Variants in SCGB2B2 observed in about 807,000 individuals in gnomAD.
SCGB2B2 encodes secretoglobin-like protein.
A neutral mutation model predicts 7.6 loss-of-function variants in SCGB2B2; 11 were observed. The observed-to-expected ratio is 1.45, with a 90% CI of 0.91 to 2.40. SCGB2B2 has a LOEUF of 2.40. Among genes scored for constraint, SCGB2B2 ranks in the 30% most tolerant of loss-of-function variants. The pLI is 0.00. For missense variants in SCGB2B2, 104 were observed against 115.4 expected, an observed-to-expected ratio of 0.90 and a Z score of 0.45; for synonymous variants, 50 against 48.6, an observed-to-expected ratio of 1.03 and a Z score of -0.12.
At chr19:34,659,426 C>A (rs572277523) in intron 1 of SCGB2B2, among the ~76,000 whole-genome samples, 43 of 152,298 alleles carry the variant, frequency 2.8e-4, no homozygotes, top group African/African-American at 1.0e-3. Flanking sequence ...AGCTGATAAG[C>A]AACTTCAGCA....
chr19:34,653,699 C>T (rs2067217372), intron 1 of SCGB2B2, among the ~76,000 whole-genome samples: 1 of 150,526 alleles, frequency 6.6e-6, no homozygotes, highest in Non-Finnish European at 1.5e-5. Flanking sequence ...TCCACATTAA[C>T]AAAATAAAGA....
intron 1 of SCGB2B2, among the ~76,000 whole-genome samples, chr19:34,665,431 G>A (rs2067588181): frequency 6.6e-6 from 1 of 152,162 alleles, no homozygotes; most frequent in Non-Finnish European, 1.5e-5. Context: ...CTCCAGCCTG[G>A]TGACTCCCTG....
At chr19:34,649,361 T>C (rs998843092) in intron 1 of SCGB2B2, among the ~76,000 whole-genome samples, 2 of 152,202 alleles carry the variant, frequency 1.3e-5, no homozygotes, top group African/African-American at 2.4e-5. Flanking sequence ...ACTCACAGAT[T>C]TGAGGCTCTG....
chr19:34,599,164 T>C (rs2145769582), intron 1 of SCGB2B2, among the ~76,000 whole-genome samples: 1 of 152,350 alleles, frequency 6.6e-6, no homozygotes, highest in Middle Eastern at 3.4e-3. Context: ...TTTTGAGAGA[T>C]GAGGCTTTCT....
At chr19:34,669,315 T>C (rs2067734383) in intron 1 of SCGB2B2, among the ~76,000 whole-genome samples, 1 of 152,228 alleles carries the variant, frequency 6.6e-6, no homozygotes, top group African/African-American at 2.4e-5. Flanking sequence ...TTATTCCAGG[T>C]AATGTTCCTT....
At chr19:34,674,955 CTT>C (rs1319206102) in intron 1 of SCGB2B2, among the ~76,000 whole-genome samples, 1 of 152,108 alleles carries the variant, frequency 6.6e-6, no homozygotes, top group Non-Finnish European at 1.5e-5. Context: ...TCCTATGTCT[CTT>C]GCATTTTAAT....
chr19:34,641,316 T>G (rs1365191415), intron 1 of SCGB2B2, among the ~76,000 whole-genome samples: 1 of 152,190 alleles, frequency 6.6e-6, no homozygotes, highest in Non-Finnish European at 1.5e-5. Flanking sequence ...TGGTCTCCCT[T>G]TGGCTAGATC....
intron 1 of SCGB2B2, among the ~76,000 whole-genome samples, chr19:34,604,510 T>C (rs2065723526): frequency 6.6e-6 from 1 of 152,218 alleles, no homozygotes; most frequent in African/African-American, 2.4e-5. Context: ...CCAGCCAAAC[T>C]ACAGCACATG....
At chr19:34,666,627 C>A (rs537074413) in intron 1 of SCGB2B2, among the ~76,000 whole-genome samples, 109 of 152,276 alleles carry the variant, frequency 7.2e-4, no homozygotes, top group African/African-American at 2.6e-3. Context: ...ACCGGGCCTG[C>A]CCCCAGGACC....
intron 1 of SCGB2B2, among the ~76,000 whole-genome samples, chr19:34,667,807 C>A (rs1446524739): frequency 6.7e-6 from 1 of 148,420 alleles, no homozygotes; most frequent in Non-Finnish European, 1.5e-5. Context: ...ACCCGGGCCA[C>A]CCACGTGCCC....
intron 1 of SCGB2B2, among the ~76,000 whole-genome samples, chr19:34,641,175 G>A (rs952246177): frequency 1.3e-5 from 2 of 152,058 alleles, no homozygotes; most frequent in African/African-American, 4.8e-5. Context: ...TTTGTTCATA[G>A]GGCCTCCTGT....
intron 1 of SCGB2B2, among the ~76,000 whole-genome samples, chr19:34,661,339 T>G (rs1293685371): frequency 1.4e-4 from 22 of 152,018 alleles, no homozygotes; most frequent in Admixed American, 1.4e-3. Context: ...AAAATTATTG[T>G]GATAAAATAA....
chr19:34,638,500 A>G (rs924918752), intron 1 of SCGB2B2, among the ~76,000 whole-genome samples: 2 of 151,544 alleles, frequency 1.3e-5, no homozygotes, highest in African/African-American at 4.8e-5. Context: ...CAATGACAAC[A>G]ACAAAAACAA....
At chr19:34,626,001 G>A (rs1325545055) in intron 1 of SCGB2B2, among the ~76,000 whole-genome samples, 1 of 152,162 alleles carries the variant, frequency 6.6e-6, no homozygotes, top group Non-Finnish European at 1.5e-5. Context: ...TGATACCCAG[G>A]CAAACAGGGT....
chr19:34,616,137 T>C (rs577562665), intron 1 of SCGB2B2, among the ~76,000 whole-genome samples: 16 of 149,502 alleles, frequency 1.1e-4, no homozygotes, highest in East Asian at 7.9e-4. Context: ...TGAATAGTGC[T>C]GCAATAAACA....
Position 34,594,608 on chromosome 19 carries a change from G to C in SCGB2B2, c.-45C>G, listed in dbSNP as rs113202182. The C allele has an allele frequency of 6.5e-7, 1 of 1,527,372 alleles. No homozygotes were observed. Among genetic ancestry groups the C allele is most frequent in the Non-Finnish European group, 9.1e-7 (1 of 1,103,344 alleles). 94.6% of individuals were successfully genotyped at this position (1,527,372 alleles called of 1,614,324 possible). On this transcript the variant is annotated 5_prime_UTR_variant, in exon 2 of 4. It adds an upstream start codon to the 5' untranslated region. Transcript: ENST00000601241. Reference sequence around the variant, plus strand: ...AGCAGGCACAGGCAGGGAATTTGGCGATGGGTGAGCTTTATGTATATCTGA... The same window carrying C: ...AGCAGGCACAGGCAGGGAATTTGGCCATGGGTGAGCTTTATGTATATCTGA...
rs889686192 is a variant in SCGB2B2, at chr19:34,656,450, A to C, written c.-2032+19180T>G. 2.6e-5 allele frequency among the ~76,000 whole-genome samples: 4 copies of C among 151,204 alleles called. No individual in the cohort carries two copies. In the East Asian group the frequency reaches 5.8e-4, roughly 22 times the overall value. On this transcript the variant is annotated intron_variant, in intron 1 of 3. Transcript: ENST00000601241. ...AAATGTTGTCTCTACAAAAATTACAAAAATTAGCCAGATGTGGTGGCACCC... is the reference window on the plus strand; with the variant it reads ...AAATGTTGTCTCTACAAAAATTACACAAATTAGCCAGATGTGGTGGCACCC...
chr19:34,600,979 A>G (rs940789151), intron 1 of SCGB2B2, among the ~76,000 whole-genome samples: 6 of 152,050 alleles, frequency 3.9e-5, no homozygotes, highest in African/African-American at 1.4e-4. Flanking sequence ...TCATGGTCAT[A>G]AAGATATTCT....
At chr19:34,620,243 G>A (rs1475107705) in intron 1 of SCGB2B2, among the ~76,000 whole-genome samples, 1 of 151,964 alleles carries the variant, frequency 6.6e-6, no homozygotes. Context: ...GTTTATTGTG[G>A]CACTATTCAC....
Sources: allele counts gnomAD v4.1 joint callset (sites outside exome capture counted in the v4.1 genomes callset), GRCh38; gene constraint gnomAD v4.1.1; transcripts MANE v1.5; gene names NCBI Gene and HGNC (gene_info 2026-07-23, HGNC 2026-07-21).